SERPINA7: variants seen among roughly 807,000 people sequenced by gnomAD.
SERPINA7 encodes the protein thyroxine-binding globulin.
In SERPINA7, 14 loss-of-function variants were observed where a neutral mutation model predicts 16.0. The observed-to-expected ratio is 0.88, with a 90% confidence interval of 0.58 to 1.37. The LOEUF (loss-of-function observed/expected upper bound fraction) is 1.37. Ranked by LOEUF, SERPINA7 falls within the 40% of genes most tolerant of loss-of-function variation. SERPINA7 has a pLI of 0.00. For synonymous variants in SERPINA7, 140 were observed against 111.0 expected (o/e 1.26, Z -1.65); for missense variants, 335 against 296.6 (o/e 1.13, Z -0.95).
rs2041421692 is a variant in SERPINA7, at chrX:106,033,292, G to A, written c.*208C>T. 8 of 452,624 alleles carry A rather than the reference G, an allele frequency of 1.8e-5. 1 individual carries two copies. The South Asian group carries it at 2.5e-4, about 14-fold the overall frequency. The allele number at this position is 452,624 out of a possible 1,213,427, so 37.3% of individuals were successfully genotyped here. ...CAAACATAGAGCCTTCCTATGCTTTGGATAATAATGAATTACTCATTGACA... is the reference window on the plus strand; with the variant it reads ...CAAACATAGAGCCTTCCTATGCTTTAGATAATAATGAATTACTCATTGACA... On this transcript the variant is annotated 3_prime_UTR_variant, in exon 5 of 5. Coordinates refer to ENST00000372563, the MANE Select transcript of SERPINA7 (RefSeq NM_000354.6).
intron 2 of SERPINA7, among the ~76,000 whole-genome samples, 160 bp from the exon 3 acceptor site, chrX:106,035,545 T>C (rs964663711): frequency 3.6e-5 from 4 of 111,806 alleles, no homozygotes; most frequent in African/African-American, 9.8e-5. Context: ...GCAGAGAAAG[T>C]CATTTGTCAT....
intron 3 of SERPINA7, 85 bp from the exon 4 acceptor site, chrX:106,034,467 A>G (rs183508470): frequency 4.6e-5 from 39 of 847,370 alleles, no homozygotes; most frequent in Non-Finnish European, 6.7e-5. Flanking sequence ...ATGGTATTAT[A>G]TTGGACTCTG....
At chrX:106,034,439 C>T in intron 3 of SERPINA7, 57 bp from the exon 4 acceptor site, 1 of 986,614 alleles carries the variant, frequency 1.0e-6, no homozygotes, top group Non-Finnish European at 1.4e-6. Flanking sequence ...TTATGATTCT[C>T]TCCTTCTCTC....
chrX:106,033,596 A>G lies in SERPINA7; in HGVS notation c.1152T>C (p.Ile384=). The part of the protein sequence containing the change: ...DQPENTFLHP[I]IQIDRSFMLL... ...ACATGAAAGATCTATCAATTTGGAT[A>G]ATAGGGTGTAGGAAAGTGTTTTCAG... The change falls in exon 5 of 5, where the codon ATT becomes ATC. Residue 384 remains isoleucine, a synonymous_variant. Coordinates refer to ENST00000372563, the MANE Select transcript of SERPINA7 (RefSeq NM_000354.6). The G allele has an allele frequency of 8.3e-7, 1 of 1,210,971 alleles. No homozygotes were observed. The highest frequency in any genetic ancestry group is 3.0e-5 in the East Asian group (1 of 33,807).
chrX:106,033,503 C>A lies in SERPINA7; in HGVS notation c.1245G>T (p.Ala415=). Residue 415 remains alanine (A), a synonymous_variant, in exon 5 of 5, where the codon GCG becomes GCT. Coordinates refer to ENST00000372563, the MANE Select transcript of SERPINA7 (RefSeq NM_000354.6). ...TAGCCAATGGCCTTTTTCCCAACTA[C>A]GCTTCCGTTGGGTTCACAACTTTCC... ...FLGKVVNPTE[A] The A allele has an allele frequency of 8.3e-7, 1 of 1,210,818 alleles. No individual in the cohort carries two copies. Among genetic ancestry groups the A allele is most frequent in the Non-Finnish European group, 1.1e-6 (1 of 894,665 alleles).
chrX:106,034,890 A>T (rs1321491173), intron 3 of SERPINA7, among the ~76,000 whole-genome samples: 1 of 112,018 alleles, frequency 8.9e-6, no homozygotes, highest in Non-Finnish European at 1.9e-5. Context: ...TGCCAATTAT[A>T]CTGCCTCCTT....
intron 4 of SERPINA7, among the ~76,000 whole-genome samples, chrX:106,033,927 C>A (rs1282535244): frequency 8.9e-6 from 1 of 112,287 alleles, no homozygotes; most frequent in Non-Finnish European, 1.9e-5. Context: ...CCTGCTGCCG[C>A]CAGGAGTCAC....
At chrX:106,033,883 G>T (rs2041427818) in intron 4 of SERPINA7, 180 bp from the exon 5 acceptor site, 1 of 914,214 alleles carries the variant, frequency 1.1e-6, no homozygotes, top group Non-Finnish European at 1.5e-6. Flanking sequence ...GCGATTCTAC[G>T]GCTAGCCATT....
chrX:106,036,935 T>G lies in SERPINA7; in HGVS notation c.124A>C (p.Met42Leu), dbSNP rs774218199. The G allele has an allele frequency of 2.5e-6, 3 of 1,211,388 alleles. No individual in the cohort carries two copies. The South Asian group carries it at 5.3e-5, about 21-fold the overall frequency. ...SSQPNATLYK[M>L]SSINADFAFN... ...GCAAAGTCAGCATTAATGGATGACA[T>G]CTTGTAGAGAGTGGCATTTGGTTGG... Residue 42 changes from methionine (M) to leucine (L), a missense_variant, in exon 2 of 5, where the codon ATG becomes CTG. Coordinates refer to ENST00000372563, the MANE Select transcript of SERPINA7 (RefSeq NM_000354.6).
chrX:106,035,910 T>G (rs776773776), intron 2 of SERPINA7, among the ~76,000 whole-genome samples: 1 of 112,290 alleles, frequency 8.9e-6, no homozygotes, highest in Non-Finnish European at 1.9e-5. Flanking sequence ...ACACAGACCT[T>G]GTTGGTAATA....
Position 106,034,094 on chromosome X carries a change from T to C in SERPINA7, c.1044+141A>G, listed in dbSNP as rs142401553. 683 of 591,496 alleles carry C rather than the reference T, an allele frequency of 1.2e-3. 4 individuals carry two copies. The East Asian group carries it at 0.014, about 12-fold the overall frequency. 48.7% of individuals were successfully genotyped at this position (591,496 alleles called of 1,213,427 possible). A position where few individuals can be genotyped will look rare whatever the true frequency, so the allele number is the denominator to read the frequency against. ...TTATTTGGAGTAATGGGAATGACTC[T>C]GGAGTGATTCTAGCTTAGGAGGAGT... On this transcript the variant is annotated intron_variant, in intron 4 of 4. Transcript: ENST00000372563.
intron 1 of SERPINA7, among the ~76,000 whole-genome samples, chrX:106,037,922 A>G (rs1238074333): frequency 9.0e-6 from 1 of 111,372 alleles, no homozygotes; most frequent in Non-Finnish European, 1.9e-5. Context: ...TCAGGTGTGG[A>G]AATCCAATGA....
Position 106,033,340 on chromosome X carries a change from T to A in SERPINA7, c.*160A>T. On this transcript the variant is annotated 3_prime_UTR_variant, in exon 5 of 5. Transcript: ENST00000372563. The stretch of plus-strand genomic sequence containing the variant: ...ACATTCTGAATGCTCTGCCATAGGA[T>A]TGGCCTCTTCCACAGCCAACAAAGT... The A allele has an allele frequency of 1.7e-6, 1 of 579,991 alleles. No individual in the cohort carries two copies. Among genetic ancestry groups the A allele is most frequent in the South Asian group, 2.5e-5 (1 of 40,294 alleles). The allele number at this position is 579,991 out of a possible 1,213,427, so 47.8% of individuals were successfully genotyped here.
chrX:106,038,382 T>C (rs1457746658), intron 1 of SERPINA7, among the ~76,000 whole-genome samples: 3 of 111,565 alleles, frequency 2.7e-5, no homozygotes, highest in African/African-American at 9.8e-5. Context: ...CTTCTCTTCA[T>C]TCCTGCTGCC....
Position 106,036,774 on chromosome X carries a change from G to T in SERPINA7, c.285C>A (p.Thr95=). ...CCSTQTEIVE[T]LGFNLTDTPM... ...GAGTGTCTGTGAGGTTGAACCCCAA[G>T]GTCTCCACAATCTCAGTTTGGGTGC... The change falls in exon 2 of 5, where the codon ACC becomes ACA. Residue 95 remains threonine (T), a synonymous_variant. Coordinates refer to ENST00000372563, the MANE Select transcript of SERPINA7 (RefSeq NM_000354.6). The T allele has an allele frequency of 8.3e-7, 1 of 1,210,904 alleles. No homozygotes were observed. Among genetic ancestry groups the T allele is most frequent in the Non-Finnish European group, 1.1e-6 (1 of 895,106 alleles).
In SERPINA7 at chrX:106,033,616, T is replaced by A. The variant is rs777648530; in HGVS notation, c.1132A>T (p.Asn378Tyr). 1 of 1,211,128 alleles carries A rather than the reference T, an allele frequency of 8.3e-7. No homozygotes were observed. Among genetic ancestry groups the A allele is most frequent in the East Asian group, 3.0e-5 (1 of 33,800 alleles). The change falls in exon 5 of 5, where the codon AAC (asparagine) becomes TAC (tyrosine). Residue 378 changes from asparagine to tyrosine, a missense_variant. Coordinates refer to ENST00000372563, the MANE Select transcript of SERPINA7 (RefSeq NM_000354.6). ...TGGATAATAGGGTGTAGGAAAGTGT[T>A]TTCAGGCTGATCCGAAAGTTCAACT... Reference protein sequence around the residue: ...PEVELSDQPENTFLHPIIQID... With the variant: ...PEVELSDQPEYTFLHPIIQID...
In SERPINA7 at chrX:106,032,849, C is replaced by T. The variant is rs945819823; in HGVS notation, c.*651G>A. 1.8e-5 allele frequency: 2 copies of T among 113,560 alleles called. No homozygotes were observed. Among genetic ancestry groups the T allele is most frequent in the Non-Finnish European group, 3.7e-5 (2 of 54,458 alleles). 9.4% of individuals were successfully genotyped at this position (113,560 alleles called of 1,213,427 possible). On this transcript the variant is annotated 3_prime_UTR_variant, in exon 5 of 5. Coordinates refer to ENST00000372563, the MANE Select transcript of SERPINA7 (RefSeq NM_000354.6). The stretch of plus-strand genomic sequence containing the variant: ...ATGAATGAATTACTTTCTTTCTCCA[C>T]TCCCAGCTTATACATTGGCAAGGTG...
In SERPINA7 at chrX:106,036,550, T is replaced by C. The variant is rs374866079; in HGVS notation, c.509A>G (p.Lys170Arg). 2 of 1,209,807 alleles carry C rather than the reference T, an allele frequency of 1.7e-6. No individual in the cohort carries two copies. Among genetic ancestry groups the C allele is most frequent in the Admixed American group, 2.2e-5 (1 of 45,695 alleles). ...STDFSNISAAKQEINSHVEMQ... is the reference protein window; with the variant it reads ...STDFSNISAARQEINSHVEMQ... ...CTCCACATGACTGTTAATCTCCTGCTTGGCTGCAGAAATGTTGGAGAAGTC... is the reference window on the plus strand; with the variant it reads ...CTCCACATGACTGTTAATCTCCTGCCTGGCTGCAGAAATGTTGGAGAAGTC... Residue 170 changes from lysine (K) to arginine (R), a missense_variant, in exon 2 of 5, where the codon AAG becomes AGG. By Grantham distance (26) the Lys-to-Arg change is conservative (BLOSUM62 2). Coordinates refer to ENST00000372563, the MANE Select transcript of SERPINA7 (RefSeq NM_000354.6).
chrX:106,037,052 G>T lies in SERPINA7; in HGVS notation c.7C>A (p.Pro3Thr). MS[P>T]FLYLVLLVLG... ...ACCAAGAGAACCAGATACAGGAATG[G>T]TGACATTTTGGAAGGAAGTTAATCT... The change falls in exon 2 of 5, where the codon CCA (proline) becomes ACA (threonine). Residue 3 changes from proline (P) to threonine (T), a missense_variant. Coordinates refer to ENST00000372563, the MANE Select transcript of SERPINA7 (RefSeq NM_000354.6). 8.3e-7 allele frequency: 1 copy of T among 1,209,323 alleles called. No individual in the cohort carries two copies. The highest frequency in any genetic ancestry group is 1.1e-6 in the Non-Finnish European group (1 of 893,715).
Sources: gnomAD v4.1 joint callset for allele counts (sites outside exome capture counted in the v4.1 genomes callset) on GRCh38, gnomAD v4.1.1 for gene constraint, MANE v1.5 for transcripts, NCBI Gene and HGNC (gene_info 2026-07-23, HGNC 2026-07-21) for gene names.